The following HOMER2 variants were observed in gnomAD, a reference collection of about 807,000 sequenced individuals.
HOMER2 encodes homer scaffold protein 2.
A neutral mutation model predicts 47.0 loss-of-function variants in HOMER2; 27 were observed. The observed-to-expected ratio is 0.57, with a 90% CI of 0.42 to 0.79. The LOEUF (loss-of-function observed/expected upper bound fraction) is 0.79, where lower values mean the gene tolerates loss of function less well. Among genes scored for constraint, HOMER2 ranks in the 30% least tolerant of loss-of-function variants. The pLI, the probability that HOMER2 is intolerant of heterozygous loss-of-function variation, is 0.00. For missense variants in HOMER2, 443 were observed against 435.0 expected (o/e 1.02, Z -0.16); for synonymous variants, 161 against 163.8 (o/e 0.98, Z 0.13).
At chr15:82,967,372 TA>T (rs996091658) in intron 1 of HOMER2, among the ~76,000 whole-genome samples, 3 of 151,470 alleles carry the variant, frequency 2.0e-5, no homozygotes, top group Non-Finnish European at 1.5e-5. Context: ...ACGTAAGTTT[TA>T]AAAAAAAAGA....
chr15:82,901,754 G>T (rs1007217965), intron 1 of HOMER2, among the ~76,000 whole-genome samples: 1 of 152,204 alleles, frequency 6.6e-6, no homozygotes, highest in Non-Finnish European at 1.5e-5. Flanking sequence ...GTGCTCTGTG[G>T]AGCTATTTTC....
chr15:82,899,310 T>C (rs983891204), intron 1 of HOMER2, among the ~76,000 whole-genome samples: 1 of 152,218 alleles, frequency 6.6e-6, no homozygotes, highest in Non-Finnish European at 1.5e-5. Context: ...GAAGTCTGAT[T>C]TGTGCTCTGA....
chr15:82,841,254 G>A (rs902014336), exon 2 of HOMER2: 6 of 152,088 alleles, frequency 3.9e-5, no homozygotes, highest in African/African-American at 1.4e-4. Flanking sequence ...AGTATACTAT[G>A]ACTACATCAG....
intron 1 of HOMER2, among the ~76,000 whole-genome samples, chr15:82,904,330 C>T (rs1184595684): frequency 2.0e-5 from 3 of 152,078 alleles, no homozygotes; most frequent in African/African-American, 7.2e-5. Flanking sequence ...ACCTGAACTA[C>T]AATTGGGGAA....
At chr15:82,859,720 C>A (rs948681628) in intron 4 of HOMER2, among the ~76,000 whole-genome samples, 2 of 152,066 alleles carry the variant, frequency 1.3e-5, no homozygotes, top group African/African-American at 4.8e-5. Flanking sequence ...AAGTGTTTTC[C>A]GTAAGTCATA....
intron 1 of HOMER2, among the ~76,000 whole-genome samples, chr15:82,899,984 C>T (rs920042812): frequency 2.6e-5 from 4 of 151,988 alleles, no homozygotes; most frequent in Admixed American, 6.6e-5. Context: ...ATTATGCAAC[C>T]GCACTTCAGC....
At chr15:82,954,519 G>A (rs2054567615), upstream of HOMER2, among the ~76,000 whole-genome samples, 1 of 146,092 alleles carries the variant, frequency 6.8e-6, no homozygotes. Flanking sequence ...TCGATCTCCT[G>A]ACCTCGTGAT....
upstream of HOMER2, among the ~76,000 whole-genome samples, chr15:82,957,205 A>G (rs1457085270): frequency 1.3e-5 from 2 of 151,778 alleles, no homozygotes; most frequent in Non-Finnish European, 2.9e-5. Context: ...TGAACCCAGG[A>G]GGCAGAGGTT....
chr15:82,862,400 G>C (rs1317454395), intron 4 of HOMER2, among the ~76,000 whole-genome samples: 1 of 152,222 alleles, frequency 6.6e-6, no homozygotes, highest in African/African-American at 2.4e-5. Flanking sequence ...GGCCAAGGCA[G>C]GAAGACTACT....
At chr15:82,863,337 C>T (rs1233911551) in intron 4 of HOMER2, among the ~76,000 whole-genome samples, 2 of 152,208 alleles carry the variant, frequency 1.3e-5, no homozygotes, top group African/African-American at 2.4e-5. Context: ...TCACAACACA[C>T]TTCCAACGTC....
At chr15:82,858,199 CT>C (rs1226972224) in intron 5 of HOMER2, among the ~76,000 whole-genome samples, 2 of 152,008 alleles carry the variant, frequency 1.3e-5, no homozygotes, top group Non-Finnish European at 2.9e-5. Context: ...TTCCACATGA[CT>C]TTTTTGTATA....
upstream of HOMER2, among the ~76,000 whole-genome samples, chr15:82,954,664 C>A (rs1415946297): frequency 6.6e-6 from 1 of 152,028 alleles, no homozygotes. Context: ...CTGGTACATA[C>A]TTCAGCACAT....
intron 1 of HOMER2, among the ~76,000 whole-genome samples, chr15:82,921,220 G>A (rs28463621): frequency 0.033 from 5,073 of 152,162 alleles, 102 homozygotes; most frequent in Middle Eastern, 0.075. Context: ...CCCGGGAGGC[G>A]GAGGTTGCAG....
intron 1 of HOMER2, among the ~76,000 whole-genome samples, chr15:82,941,115 C>T (rs1471344953): frequency 6.6e-6 from 1 of 152,010 alleles, no homozygotes; most frequent in Non-Finnish European, 1.5e-5. Context: ...CTCTTTCCTT[C>T]CAATCTCCAT....
At chr15:82,877,576 A>G (rs1159696692) in intron 2 of HOMER2, among the ~76,000 whole-genome samples, 1 of 152,214 alleles carries the variant, frequency 6.6e-6, no homozygotes, top group East Asian at 1.9e-4. Flanking sequence ...GACTTGTCCT[A>G]TAAACTTCCA....
At chr15:82,900,660 A>C (rs1404401500) in intron 1 of HOMER2, among the ~76,000 whole-genome samples, 1 of 151,972 alleles carries the variant, frequency 6.6e-6, no homozygotes, top group Non-Finnish European at 1.5e-5. Flanking sequence ...AGCCTAAAGA[A>C]GTGAGTGCAT....
intron 1 of HOMER2, among the ~76,000 whole-genome samples, chr15:82,908,334 A>C (rs780902197): frequency 2.0e-5 from 3 of 152,220 alleles, no homozygotes; most frequent in Non-Finnish European, 2.9e-5. Flanking sequence ...GAGGCCATTG[A>C]TTCAGACTGA....
chr15:82,964,120 A>G lies in HOMER2; in HGVS notation n.83-4812T>C, dbSNP rs985334454. On this transcript the variant is annotated intron_variant and non_coding_transcript_variant, in intron 1 of 1. Transcript: ENST00000500334. ...TATAGAAATAACTTGGGCAATTTAT[A>G]TCTACCAAATCTGAGATCAGTGTTT... Among the ~76,000 whole-genome samples the G allele has an allele frequency of 1.8e-4, 28 of 152,350 alleles. 1 individual carries two copies. In the East Asian group the frequency reaches 5.0e-3, roughly 27 times the overall value.
At chr15:82,945,280 G>A (rs929322634) in intron 1 of HOMER2, among the ~76,000 whole-genome samples, 2 of 150,616 alleles carry the variant, frequency 1.3e-5, no homozygotes, top group Non-Finnish European at 2.9e-5. Context: ...GGTTTACAAA[G>A]ATGTATAAGA....
Sources: gnomAD v4.1 joint callset for allele counts (sites outside exome capture counted in the v4.1 genomes callset) on GRCh38, gnomAD v4.1.1 for gene constraint, MANE v1.5 for transcripts, NCBI Gene and HGNC (gene_info 2026-07-23, HGNC 2026-07-21) for gene names.